Variants in CDIN1 observed in about 807,000 individuals in gnomAD.
CDIN1 encodes CDAN1-interacting nuclease 1.
A neutral mutation model predicts 45.3 loss-of-function variants in CDIN1; 33 were observed. The observed-to-expected ratio is 0.73, with a 90% CI of 0.55 to 0.97. The LOEUF (loss-of-function observed/expected upper bound fraction) is 0.97. Ranked by LOEUF, CDIN1 falls within the 50% of genes least tolerant of loss-of-function variation. CDIN1 has a pLI of 0.00. For synonymous variants in CDIN1, 118 were observed against 124.4 expected (o/e 0.95, Z 0.34); for missense variants, 303 against 339.4 (o/e 0.89, Z 0.84).
intron 1 of CDIN1, among the ~76,000 whole-genome samples, chr15:36,615,644 C>A (rs2140289800): frequency 6.6e-6 from 1 of 152,292 alleles, no homozygotes; most frequent in East Asian, 1.9e-4. Context: ...TGAAGGGTTT[C>A]ATGAACTCCT....
At chr15:36,724,651 A>G (rs2043555478) in intron 10 of CDIN1, among the ~76,000 whole-genome samples, 1 of 152,180 alleles carries the variant, frequency 6.6e-6, no homozygotes, top group African/African-American at 2.4e-5. Flanking sequence ...GAGGGAGAGA[A>G]TAGAAAAATG....
At position 36,640,608 on chromosome 15, in the gene CDIN1, T is replaced by C. The variant is rs1465260953; in HGVS notation, c.102-3670T>C. 6.1e-6 allele frequency: 6 copies of C among 985,064 alleles called. No homozygotes were observed. In the African/African-American group the frequency reaches 7.0e-5, roughly 11 times the overall value. The allele number at this position is 985,064 out of a possible 1,614,324, so 61.0% of individuals were successfully genotyped here. The stretch of plus-strand genomic sequence containing the variant: ...ACTTCCTTGTGGTCTTTTTCAGAGA[T>C]TGCATACTCAAGAAGAGGAGGAACA... On this transcript the variant is annotated intron_variant, in intron 1 of 10. Coordinates refer to ENST00000566621, the MANE Select transcript of CDIN1 (RefSeq NM_001321759.2).
At chr15:36,598,319 A>G (rs1261201516) in intron 1 of CDIN1, among the ~76,000 whole-genome samples, 1 of 152,170 alleles carries the variant, frequency 6.6e-6, no homozygotes, top group Non-Finnish European at 1.5e-5. Context: ...GTTATTAGTT[A>G]TTGTCTTCAT....
intron 3 of CDIN1, among the ~76,000 whole-genome samples, chr15:36,645,739 A>G (rs939426885): frequency 1.3e-5 from 2 of 152,152 alleles, no homozygotes; most frequent in Non-Finnish European, 2.9e-5. Flanking sequence ...ATTTTGCATC[A>G]TAGGTATTAG....
chr15:36,670,057 T>C (rs921284519), intron 5 of CDIN1, among the ~76,000 whole-genome samples: 2 of 152,032 alleles, frequency 1.3e-5, no homozygotes, highest in African/African-American at 2.4e-5. Context: ...GAGATATTAT[T>C]TGGGTTTCTT....
intron 10 of CDIN1, among the ~76,000 whole-genome samples, chr15:36,785,700 A>C (rs2054472716): frequency 6.6e-6 from 1 of 152,194 alleles, no homozygotes; most frequent in Non-Finnish European, 1.5e-5. Flanking sequence ...AACTAATTGG[A>C]AGTTGAGCAC....
At chr15:36,587,542 C>T (rs1253758475) in intron 1 of CDIN1, among the ~76,000 whole-genome samples, 1 of 152,032 alleles carries the variant, frequency 6.6e-6, no homozygotes, top group Admixed American at 6.6e-5. Flanking sequence ...TTGGGACAAG[C>T]ACAGCAGTTT....
chr15:36,628,874 G>T (rs553525903), intron 1 of CDIN1, among the ~76,000 whole-genome samples: 1 of 152,162 alleles, frequency 6.6e-6, no homozygotes, highest in Admixed American at 6.5e-5. Flanking sequence ...ACCAGGATGG[G>T]CCCTAAATGG....
intron 1 of CDIN1, chr15:36,627,833 T>C (rs1261102464): frequency 2.0e-5 from 3 of 152,148 alleles, no homozygotes; most frequent in African/African-American, 7.2e-5. Flanking sequence ...AACAGGTCAG[T>C]GGGCGGCCCA....
chr15:36,589,518 T>G (rs1176727964), intron 1 of CDIN1, among the ~76,000 whole-genome samples: 6 of 152,068 alleles, frequency 3.9e-5, no homozygotes, highest in Non-Finnish European at 7.4e-5. Context: ...TTTCTTTTTT[T>G]TTTTTGAGAC....
chr15:36,784,892 C>T (rs144897723), intron 10 of CDIN1, among the ~76,000 whole-genome samples: 2 of 152,308 alleles, frequency 1.3e-5, no homozygotes, highest in East Asian at 3.9e-4. Flanking sequence ...TTGATCAAGA[C>T]AGCTCCCCTG....
rs76715411 is a variant in CDIN1, at chr15:36,735,365, A to G, written c.716+25404A>G. On this transcript the variant is annotated intron_variant, in intron 10 of 10. Transcript: ENST00000566621. ...TTAATGTTGATCTTTGCATAGTAAT[A>G]CACATATTATTTCTAATTGGTAGAC... is the stretch of plus-strand genomic sequence containing the variant. 3.1e-3 allele frequency among the ~76,000 whole-genome samples: 465 copies of G among 152,258 alleles called. 6 individuals are homozygous for G. Among genetic ancestry groups the G allele is most frequent in the African/African-American group, 0.011 (451 of 41,566 alleles).
chr15:36,792,012 G>A (rs1378485610), intron 10 of CDIN1, among the ~76,000 whole-genome samples: 1 of 152,188 alleles, frequency 6.6e-6, no homozygotes, highest in Non-Finnish European at 1.5e-5. Flanking sequence ...AGACCAGCAC[G>A]CAGGGACCTC....
chr15:36,625,988 T>G (rs2039406814), intron 1 of CDIN1, among the ~76,000 whole-genome samples: 1 of 152,086 alleles, frequency 6.6e-6, no homozygotes, highest in Non-Finnish European at 1.5e-5. Context: ...TTATTCAAGA[T>G]GAACTCTACA....
intron 4 of CDIN1, among the ~76,000 whole-genome samples, chr15:36,657,400 A>G (rs2140465408): frequency 6.6e-6 from 1 of 152,256 alleles, no homozygotes; most frequent in South Asian, 2.1e-4. Context: ...TCTGTTTTTG[A>G]AAACTGTCAC....
At chr15:36,662,303 C>T (rs2041046238) in intron 5 of CDIN1, among the ~76,000 whole-genome samples, 1 of 152,190 alleles carries the variant, frequency 6.6e-6, no homozygotes, top group Non-Finnish European at 1.5e-5. Flanking sequence ...TGCTTTTCAA[C>T]ATAATGTGTA....
At position 36,695,860 on chromosome 15, in the gene CDIN1, C is replaced by T. The variant is rs1445988522; in HGVS notation, c.477-1463C>T. On this transcript the variant is annotated intron_variant, in intron 7 of 10. Transcript: ENST00000566621. ...AGTCCATCTCAAAAAAAAAAAGAGGCGGGGGACTAATAATAGTATCTACTT... is the reference window on the plus strand; with the variant it reads ...AGTCCATCTCAAAAAAAAAAAGAGGTGGGGGACTAATAATAGTATCTACTT... Among the ~76,000 whole-genome samples, 7 of 151,450 alleles carry T rather than the reference C, an allele frequency of 4.6e-5. No individual in the cohort carries two copies. In the East Asian group the frequency reaches 7.7e-4, roughly 17 times the overall value.
rs778988517 is a variant in CDIN1, at chr15:36,659,966, CTTTTT to C, written c.346+2075_346+2079del. On this transcript the variant is annotated intron_variant, in intron 5 of 10. Transcript: ENST00000566621. ...TCATTCTCTCTTTTTCCTTCCTTTT[CTTTTT>C]TTTTTTTTTTTTTCTTAAAGAACTT... Among the ~76,000 whole-genome samples the C allele has an allele frequency of 1.1e-4, 12 of 105,150 alleles. No individual in the cohort carries two copies. In the East Asian group the frequency reaches 1.5e-3, roughly 13 times the overall value. 69.0% of individuals were successfully genotyped at this position (105,150 alleles called of 152,430 possible). A position where few individuals can be genotyped will look rare whatever the true frequency, so the allele number is the denominator to read the frequency against.
chr15:36,770,642 G>A lies in CDIN1; in HGVS notation c.717-37682G>A, dbSNP rs145863604. Among the ~76,000 whole-genome samples, 245 of 152,094 alleles carry A rather than the reference G, an allele frequency of 1.6e-3. 1 individual carries two copies. The highest frequency in any genetic ancestry group is 2.7e-3 in the South Asian group (13 of 4,816). ...TTTTGTGTTTTTTGTTAGAGACAGGGTTTCACCATGTTGGCCAGGCGGTCT... is the reference window on the plus strand; with the variant it reads ...TTTTGTGTTTTTTGTTAGAGACAGGATTTCACCATGTTGGCCAGGCGGTCT... On this transcript the variant is annotated intron_variant, in intron 10 of 10. Coordinates refer to ENST00000566621, the MANE Select transcript of CDIN1 (RefSeq NM_001321759.2).
Sources: allele counts gnomAD v4.1 joint callset (sites outside exome capture counted in the v4.1 genomes callset), GRCh38; gene constraint gnomAD v4.1.1; transcripts MANE v1.5; gene names NCBI Gene and HGNC (gene_info 2026-07-23, HGNC 2026-07-21).